AAK1: variants seen among roughly 807,000 people sequenced by gnomAD.
The protein encoded by AAK1 is AP2-associated protein kinase 1.
In AAK1, 37 loss-of-function variants were observed where a neutral mutation model predicts 116.0. That is an observed-to-expected ratio of 0.32 (90% confidence interval 0.25 to 0.42). The LOEUF (loss-of-function observed/expected upper bound fraction) is 0.42, where lower values mean the gene tolerates loss of function less well. AAK1 is among the 10% of genes least tolerant of loss of function. AAK1 has a pLI of 1.00. For missense variants in AAK1, 919 were observed against 1,170.6 expected, an observed-to-expected ratio of 0.79 and a Z score of 3.14; for synonymous variants, 458 against 439.9, an observed-to-expected ratio of 1.04 and a Z score of -0.51.
At chr2:69,476,751 T>C (rs1674872996) in intron 21 of AAK1, 129 bp downstream of exon 21, 1 of 634,058 alleles carries the variant, frequency 1.6e-6, no homozygotes, top group Non-Finnish European at 2.8e-6. Flanking sequence ...CAGCCTACAA[T>C]GATTCTCATT....
chr2:69,461,486 T>C lies in AAK1; in HGVS notation c.*14383A>G. On this transcript the variant is annotated 3_prime_UTR_variant, in exon 22 of 22. Coordinates refer to ENST00000409085, the MANE Select transcript of AAK1 (RefSeq NM_014911.5). Reference sequence around the variant, plus strand: ...TAATGTAATCCACAAGTCAAAGTTTTTTCATGCATCACCAAAAAAAAAAAA... The same window carrying C: ...TAATGTAATCCACAAGTCAAAGTTTCTTCATGCATCACCAAAAAAAAAAAA... 4.0e-6 allele frequency: 1 copy of C among 247,658 alleles called. No homozygotes were observed. The highest frequency in any genetic ancestry group is 8.1e-6 in the Non-Finnish European group (1 of 123,720). 15.3% of individuals were successfully genotyped at this position (247,658 alleles called of 1,614,324 possible).
rs1674830243 is a variant in AAK1, at chr2:69,475,738, G to A, written c.*131C>T. On this transcript the variant is annotated 3_prime_UTR_variant, in exon 22 of 22. Transcript: ENST00000409085. ...TCATTTCTACAGGAGAAGGCAAGGGGTAGGAGAAAAGGGCTGGAGGGCCCC... is the reference window on the plus strand; with the variant it reads ...TCATTTCTACAGGAGAAGGCAAGGGATAGGAGAAAAGGGCTGGAGGGCCCC... 6.9e-7 allele frequency: 1 copy of A among 1,445,770 alleles called. No individual in the cohort carries two copies. The highest frequency in any genetic ancestry group is 1.5e-5 in the South Asian group (1 of 67,316). 89.6% of individuals were successfully genotyped at this position (1,445,770 alleles called of 1,614,324 possible). A position where few individuals can be genotyped will look rare whatever the true frequency, so the allele number is the denominator to read the frequency against.
At chr2:69,636,705 CTT>C (rs199595825) in intron 2 of AAK1, among the ~76,000 whole-genome samples, 2 of 144,992 alleles carry the variant, frequency 1.4e-5, no homozygotes, top group Admixed American at 1.4e-4. Flanking sequence ...TTTTCTTTTT[CTT>C]TTTTTTTTTT....
chr2:69,522,874 AAACAGCAC>A (rs1162141424), intron 10 of AAK1, among the ~76,000 whole-genome samples: 2 of 152,144 alleles, frequency 1.3e-5, no homozygotes, highest in Non-Finnish European at 2.9e-5. Flanking sequence ...GTAGAAACCC[AAACAGCAC>A]AACCTCCATG....
At chr2:69,565,153 G>T (rs1208243223) in intron 2 of AAK1, among the ~76,000 whole-genome samples, 1 of 152,190 alleles carries the variant, frequency 6.6e-6, no homozygotes, top group Non-Finnish European at 1.5e-5. Flanking sequence ...GGAGGAGTGG[G>T]GCCGGTGGCC....
At chr2:69,536,217 G>C (rs1464190885) in intron 5 of AAK1, among the ~76,000 whole-genome samples, 1 of 152,224 alleles carries the variant, frequency 6.6e-6, no homozygotes, top group African/African-American at 2.4e-5. Context: ...AAGGAGGAAG[G>C]AGAAAGGGAG....
intron 2 of AAK1, among the ~76,000 whole-genome samples, chr2:69,630,020 C>A (rs981046291): frequency 3.3e-5 from 5 of 151,962 alleles, no homozygotes; most frequent in African/African-American, 9.7e-5. Context: ...GCGGGGAACA[C>A]CATGAGTAAA....
At chr2:69,580,063 C>T (rs1672478590) in intron 2 of AAK1, among the ~76,000 whole-genome samples, 1 of 152,176 alleles carries the variant, frequency 6.6e-6, no homozygotes, top group Non-Finnish European at 1.5e-5. Context: ...CTCCCTCTCC[C>T]CAATATCCAA....
At chr2:69,557,426 C>T (rs1175342170) in intron 2 of AAK1, among the ~76,000 whole-genome samples, 1 of 151,780 alleles carries the variant, frequency 6.6e-6, no homozygotes, top group Non-Finnish European at 1.5e-5. Context: ...CTCAGCCTCC[C>T]GAGTAGCTGG....
chr2:69,534,314 A>T (rs1173559417), intron 5 of AAK1, among the ~76,000 whole-genome samples: 1 of 152,224 alleles, frequency 6.6e-6, no homozygotes, highest in African/African-American at 2.4e-5. Flanking sequence ...TTCCTGCTAC[A>T]GGAAGCAGGT....
chr2:69,521,356 AC>A (rs1483616081), intron 10 of AAK1, among the ~76,000 whole-genome samples: 1 of 152,196 alleles, frequency 6.6e-6, no homozygotes, highest in Non-Finnish European at 1.5e-5. Context: ...TTCCCAAAAT[AC>A]CCTTTGGGTA....
chr2:69,613,068 C>T (rs571137081), intron 2 of AAK1, among the ~76,000 whole-genome samples: 1 of 152,290 alleles, frequency 6.6e-6, no homozygotes, highest in African/African-American at 2.4e-5. Flanking sequence ...TCACCTCCCT[C>T]AGTCCAATGG....
intron 2 of AAK1, among the ~76,000 whole-genome samples, chr2:69,636,225 TA>T (rs199539619): frequency 0.036 from 5,551 of 152,184 alleles, 329 homozygotes; most frequent in African/African-American, 0.13. Context: ...GGATTAAAGA[TA>T]ATGCAATCAA....
At chr2:69,588,850 G>A (rs1025706422) in intron 2 of AAK1, among the ~76,000 whole-genome samples, 1 of 152,110 alleles carries the variant, frequency 6.6e-6, no homozygotes, top group Non-Finnish European at 1.5e-5. Flanking sequence ...ACATTATGTA[G>A]GAGAATATTT....
At chr2:69,580,995 CTT>C (rs60442548) in intron 2 of AAK1, among the ~76,000 whole-genome samples, 11 of 147,570 alleles carry the variant, frequency 7.5e-5, no homozygotes, top group East Asian at 2.0e-4. Context: ...TAAAAATGAT[CTT>C]TTTTTTTTTA....
At chr2:69,637,461 C>A in intron 2 of AAK1, among the ~76,000 whole-genome samples, 1 of 152,300 alleles carries the variant, frequency 6.6e-6, no homozygotes, top group East Asian at 1.9e-4. Context: ...AGTGAATGAA[C>A]TGACAAACCT....
At chr2:69,548,599 C>G (rs1671032320) in intron 3 of AAK1, among the ~76,000 whole-genome samples, 1 of 139,150 alleles carries the variant, frequency 7.2e-6, no homozygotes, top group Admixed American at 7.7e-5. Context: ...CTTTTTCTTC[C>G]CCTTCCTTCC....
intron 2 of AAK1, among the ~76,000 whole-genome samples, chr2:69,636,705 C>CTT (rs199595825): frequency 1.4e-4 from 21 of 145,072 alleles, no homozygotes; most frequent in African/African-American, 4.0e-4. Flanking sequence ...TTTTCTTTTT[C>CTT]TTTTTTTTTT....
intron 2 of AAK1, among the ~76,000 whole-genome samples, chr2:69,636,852 A>T (rs1675468949): frequency 6.6e-6 from 1 of 152,046 alleles, no homozygotes; most frequent in African/African-American, 2.4e-5. Context: ...GGTAGCCGCC[A>T]CCACGCCCGG....
Sources: allele counts gnomAD v4.1 joint callset (sites outside exome capture counted in the v4.1 genomes callset), GRCh38; gene constraint gnomAD v4.1.1; transcripts MANE v1.5; gene names NCBI Gene and HGNC (gene_info 2026-07-23, HGNC 2026-07-21).